Variants in MED23 observed in about 807,000 individuals in gnomAD.
MED23 encodes mediator complex subunit 23, also known as mediator of RNA polymerase II transcription subunit 23.
Under a neutral mutation model 163.9 loss-of-function variants are expected in MED23, and 105 were observed. That is an observed-to-expected ratio of 0.64 (90% CI 0.55 to 0.75). The LOEUF (loss-of-function observed/expected upper bound fraction) is 0.75, where lower values mean the gene tolerates loss of function less well. Ranked by LOEUF, MED23 falls within the 30% of genes least tolerant of loss-of-function variation. MED23 has a pLI of 0.00. For missense variants in MED23, 1,054 were observed against 1,649.0 expected (o/e 0.64, Z 6.25); for synonymous variants, 561 against 565.6 (o/e 0.99, Z 0.12).
rs886499098 is a variant in MED23, at chr6:131,608,138, G to T, written c.1078-67C>A. The T allele has an allele frequency of 4.4e-6, 7 of 1,577,810 alleles. No homozygotes were observed. In the Admixed American group the frequency reaches 5.1e-5, roughly 12 times the overall value. ...AAAGAGATGAATACAGGAAGTTTTT[G>T]TTGTTTTTTTGTTTTTGTTTTTAAG... On this transcript the variant is annotated intron_variant, in intron 11 of 28. Transcript: ENST00000368068.
At chr6:131,583,089 A>G (rs1299638170), downstream of MED23, 1 of 1,613,824 alleles carries the variant, frequency 6.2e-7, no homozygotes, top group Admixed American at 1.7e-5. Context: ...GGCATTAAAT[A>G]CTTTTCAATG....
intron 7 of MED23, among the ~76,000 whole-genome samples, chr6:131,620,405 G>A (rs1777007792): frequency 6.6e-6 from 1 of 152,080 alleles, no homozygotes; most frequent in Admixed American, 6.6e-5. Flanking sequence ...TCCCACCTCA[G>A]CTCCTGAGTA....
At chr6:131,580,295 G>A (rs1250383786) in intron 30 of MED23, among the ~76,000 whole-genome samples, 2 of 152,100 alleles carry the variant, frequency 1.3e-5, no homozygotes, top group Non-Finnish European at 2.9e-5. Flanking sequence ...TTTGTTAAGT[G>A]GAAATTTTAG....
chr6:131,615,178 G>A, intron 10 of MED23: 2 of 658,622 alleles, frequency 3.0e-6, no homozygotes, highest in Non-Finnish European at 4.9e-6. Context: ...ATCCCAAGAA[G>A]AAATCGTTTT....
At position 131,598,063 on chromosome 6, in the gene MED23, C is replaced by T. The variant is rs1775199712; in HGVS notation, c.2607+224G>A. On this transcript the variant is annotated intron_variant, in intron 20 of 28. Coordinates refer to ENST00000368068, the MANE Select transcript of MED23 (RefSeq NM_004830.4). This position sits in a 1 kb window ranked among gnomAD's most constrained non-coding sequence, Gnocchi z 4.7. ...AGTGAGCCATGATCACGCCACTGCA[C>T]TGGGCGACAGAGCGAGACCCTGTCT... 6.6e-6 allele frequency among the ~76,000 whole-genome samples: 1 copy of T among 152,158 alleles called. No individual in the cohort carries two copies. Among genetic ancestry groups the T allele is most frequent in the South Asian group, 2.1e-4 (1 of 4,830 alleles).
At chr6:131,588,065 T>C (rs1206846713) in intron 28 of MED23, among the ~76,000 whole-genome samples, 2 of 152,206 alleles carry the variant, frequency 1.3e-5, no homozygotes, top group Non-Finnish European at 2.9e-5. Flanking sequence ...ACCCCTTATA[T>C]ATTATATGTG....
chr6:131,601,520 C>T (rs1162773675), intron 17 of MED23, among the ~76,000 whole-genome samples: 1 of 152,154 alleles, frequency 6.6e-6, no homozygotes, highest in Non-Finnish European at 1.5e-5. Flanking sequence ...TGCAGCTAAC[C>T]TTTAAGCAAC....
At chr6:131,592,128 G>A in intron 25 of MED23, 1 of 504,720 alleles carries the variant, frequency 2.0e-6, no homozygotes, top group South Asian at 2.5e-5. Context: ...ACTAAAGTTG[G>A]ATAGGTAAGG....
rs931543088 is a variant in MED23 at position 131,624,765 on chromosome 6, T to C, written c.284+100A>G. 7.5e-6 allele frequency: 10 copies of C among 1,334,968 alleles called. No homozygotes were observed. In the African/African-American group the frequency reaches 1.2e-4, roughly 15 times the overall value. 82.7% of individuals were successfully genotyped at this position (1,334,968 alleles called of 1,614,324 possible). ...GGATTACTTGATAAACCTCACCTTC[T>C]TCTTCATTCTCTTACCTTTTTACAA... On this transcript the variant is annotated intron_variant, in intron 4 of 28. Coordinates refer to ENST00000368068, the MANE Select transcript of MED23 (RefSeq NM_004830.4).
At chr6:131,601,067 T>C (rs754437510) in intron 17 of MED23, among the ~76,000 whole-genome samples, 16 of 152,092 alleles carry the variant, frequency 1.1e-4, no homozygotes, top group Non-Finnish European at 1.9e-4. Flanking sequence ...CAATTTTACT[T>C]GAAAGAACGT....
At chr6:131,577,145 G>C (rs1773656237) in intron 30 of MED23, among the ~76,000 whole-genome samples, 1 of 152,172 alleles carries the variant, frequency 6.6e-6, no homozygotes, top group East Asian at 1.9e-4. Context: ...CCTAGTGTGG[G>C]CGCAGTGTGT....
At chr6:131,576,250 C>T (rs1416028391) in intron 30 of MED23, among the ~76,000 whole-genome samples, 1 of 152,230 alleles carries the variant, frequency 6.6e-6, no homozygotes, top group Non-Finnish European at 1.5e-5. Context: ...TATCTCCTAT[C>T]AGCTTATGAG....
rs1239300546 is a variant in MED23 at position 131,579,262 on chromosome 6, C to T, written c.4096-4967G>A. ...AAGTCAAGAAGAACGGAAGAATCAG[C>T]CTGGTGCTGGGCGGAGACCACAGGT... On this transcript the variant is annotated intron_variant, in intron 30 of 30. Coordinates refer to the MED23 transcript ENST00000354577. The T allele has an allele frequency of 4.3e-6, 7 of 1,613,872 alleles. No homozygotes were observed. The South Asian group carries it at 5.5e-5, about 13-fold the overall frequency.
chr6:131,578,222 T>C (rs1484485133), intron 30 of MED23, among the ~76,000 whole-genome samples: 1 of 150,328 alleles, frequency 6.7e-6, no homozygotes, highest in Non-Finnish European at 1.5e-5. Flanking sequence ...AGACACCCAG[T>C]AGAGAACAGA....
chr6:131,581,386 A>C, intron 30 of MED23: 4 of 1,610,126 alleles, frequency 2.5e-6, no homozygotes, highest in Non-Finnish European at 3.4e-6. Context: ...AAGGTAAAAG[A>C]CTGGTTGGTA....
chr6:131,577,774 A>G (rs1356645670), intron 30 of MED23, among the ~76,000 whole-genome samples: 3 of 151,858 alleles, frequency 2.0e-5, no homozygotes, highest in South Asian at 4.2e-4. Flanking sequence ...GCGTGGTGGC[A>G]TGAGCCTGTA....
chr6:131,600,755 T>C (rs183886116), intron 17 of MED23, among the ~76,000 whole-genome samples: 1,727 of 152,252 alleles, frequency 0.011, 42 homozygotes, highest in African/African-American at 0.039. Flanking sequence ...TATCAGGCTT[T>C]TTCACTTGGT....
chr6:131,594,079 A>G lies in MED23; in HGVS notation c.3232+20T>C, dbSNP rs748745713. The G allele has an allele frequency of 2.5e-6, 4 of 1,573,304 alleles. No homozygotes were observed. The highest frequency in any genetic ancestry group is 3.5e-6 in the Non-Finnish European group (4 of 1,144,000). Reference sequence around the variant, plus strand: ...AATACTGTTATTTCTGGGAGTCTAAAATCACAATAAAAAGGATATTATCGA... The same window carrying G: ...AATACTGTTATTTCTGGGAGTCTAAGATCACAATAAAAAGGATATTATCGA... On this transcript the variant is annotated intron_variant, in intron 23 of 28. Coordinates refer to ENST00000368068, the MANE Select transcript of MED23 (RefSeq NM_004830.4).
chr6:131,584,173 A>T (rs953667116), downstream of MED23: 4 of 433,208 alleles, frequency 9.2e-6, no homozygotes, highest in Non-Finnish European at 1.7e-5. Context: ...CCAATTAAAA[A>T]TTTGCTGGCA....
Sources: gnomAD v4.1 joint callset for allele counts (sites outside exome capture counted in the v4.1 genomes callset) on GRCh38, gnomAD v4.1.1 for gene constraint, Gnocchi (gnomAD v3.1) non-coding constraint, MANE v1.5 for transcripts, NCBI Gene and HGNC (gene_info 2026-07-23, HGNC 2026-07-21) for gene names.